ANKRD27: variants seen among roughly 807,000 people sequenced by gnomAD.
ANKRD27 encodes ankyrin repeat domain-containing protein 27.
In ANKRD27, 112 loss-of-function variants were observed where a neutral mutation model predicts 129.7. The ratio of observed to expected loss-of-function variants is 0.86; its 90% CI spans 0.74 to 1.01. The LOEUF (loss-of-function observed/expected upper bound fraction) is 1.01, where lower values mean the gene tolerates loss of function less well. Among genes scored for constraint, ANKRD27 ranks in the 50% least tolerant of loss-of-function variants. The pLI, the probability that ANKRD27 is intolerant of heterozygous loss-of-function variation, is 0.00. For missense variants in ANKRD27, 1,258 were observed against 1,300.5 expected (o/e 0.97, Z 0.50); for synonymous variants, 516 against 511.2 (o/e 1.01, Z -0.13).
At chr19:32,599,417 T>C (rs987927363) in intron 28 of ANKRD27, among the ~76,000 whole-genome samples, 1 of 151,926 alleles carries the variant, frequency 6.6e-6, no homozygotes, top group Non-Finnish European at 1.5e-5. Flanking sequence ...ATTAAAACCA[T>C]AGTGAAATGT....
intron 26 of ANKRD27, among the ~76,000 whole-genome samples, chr19:32,600,961 G>A (rs1971642769): frequency 6.6e-6 from 1 of 152,060 alleles, no homozygotes; most frequent in Admixed American, 6.6e-5. Flanking sequence ...TTCGGCAACT[G>A]CTGTTTTAAT....
intron 9 of ANKRD27, among the ~76,000 whole-genome samples, chr19:32,642,408 G>T (rs1967219091): frequency 6.6e-6 from 1 of 152,056 alleles, no homozygotes; most frequent in South Asian, 2.1e-4. Flanking sequence ...ACAACCCAAA[G>T]AGGGTTGTGG....
rs528434665 is a variant in ANKRD27 at position 32,623,803 on chromosome 19, G to C, written c.1630-1184C>G. 2.0e-5 allele frequency among the ~76,000 whole-genome samples: 3 copies of C among 152,034 alleles called. No individual in the cohort carries two copies. The South Asian group carries it at 6.2e-4, about 32-fold the overall frequency. ...TGACCTCAGGCAATTTGCCGGCCTT[G>C]GTCTCCCAAAGTGCTGGGACTACAG... On this transcript the variant is annotated intron_variant, in intron 17 of 28. Coordinates refer to ENST00000306065, the MANE Select transcript of ANKRD27 (RefSeq NM_032139.3).
Position 32,625,958 on chromosome 19 carries a change from C to T in ANKRD27, c.1545G>A (p.Leu515=), listed in dbSNP as rs765442354. Reference sequence around the variant, plus strand: ...CTTCCGCGCTGGCCTTGTAGTGCAGCAGCAGCAGCTGCGGAGATAAAGGAA... The same window carrying T: ...CTTCCGCGCTGGCCTTGTAGTGCAGTAGCAGCAGCTGCGGAGATAAAGGAA... The part of the protein sequence containing the change: ...QKGYQSVTLL[L]LHYKASAEVQ... Residue 515 remains leucine (L), a synonymous_variant, in exon 17 of 29, where the codon CTG becomes CTA. Transcript: ENST00000306065. The T allele has an allele frequency of 5.6e-6, 9 of 1,608,474 alleles. No homozygotes were observed. The East Asian group carries it at 2.0e-4, about 36-fold the overall frequency.
intron 25 of ANKRD27, among the ~76,000 whole-genome samples, chr19:32,603,792 G>A (rs1358562374): frequency 2.6e-5 from 4 of 152,154 alleles, no homozygotes; most frequent in African/African-American, 9.7e-5. Flanking sequence ...TCCTTCCTTG[G>A]CCTCCCAAAG....
chr19:32,656,568 C>A (rs770674098), intron 2 of ANKRD27, among the ~76,000 whole-genome samples: 10 of 152,216 alleles, frequency 6.6e-5, no homozygotes, highest in Non-Finnish European at 1.2e-4. Context: ...AGGAGGATCA[C>A]TTGAGGCCAG....
chr19:32,607,890 G>C (rs746128530), intron 22 of ANKRD27, 58 bp from the exon 23 acceptor site: 1 of 1,527,804 alleles, frequency 6.5e-7, no homozygotes, highest in Middle Eastern at 1.7e-4. Context: ...AACTGGGCTG[G>C]AGTGATTGGC....
chr19:32,640,327 C>T lies in ANKRD27; in HGVS notation c.963G>A (p.Val321=). The T allele has an allele frequency of 6.2e-7, 1 of 1,613,810 alleles. No homozygotes were observed. Among genetic ancestry groups the T allele is most frequent in the South Asian group, 1.1e-5 (1 of 91,066 alleles). Residue 321 remains valine (V), a synonymous_variant, in exon 11 of 29, where the codon GTG becomes GTA. Coordinates refer to ENST00000306065, the MANE Select transcript of ANKRD27 (RefSeq NM_032139.3). Reference sequence around the variant, plus strand: ...GTTACCAATTAGGGATCTCCGTTTTCACAAGCAAGTATAACAGGACTGATA... The same window carrying T: ...GTTACCAATTAGGGATCTCCGTTTTTACAAGCAAGTATAACAGGACTGATA... ...DLLSVLLYLL[V]KTEIPNWMAN...
chr19:32,650,348 T>C (rs1967389334), intron 2 of ANKRD27, among the ~76,000 whole-genome samples: 1 of 152,190 alleles, frequency 6.6e-6, no homozygotes, highest in Non-Finnish European at 1.5e-5. Context: ...GGTCAGGAGT[T>C]TGAGACCAGC....
intron 1 of ANKRD27, among the ~76,000 whole-genome samples, chr19:32,669,257 C>T (rs1773024725): frequency 6.6e-6 from 1 of 152,170 alleles, no homozygotes; most frequent in African/African-American, 2.4e-5. Context: ...GAGCTCTCCG[C>T]CAGTCCTCCT....
intron 28 of ANKRD27, 149 bp from the exon 29 acceptor site, chr19:32,598,527 G>C (rs1021704759): frequency 1.0e-5 from 7 of 696,532 alleles, no homozygotes; most frequent in Non-Finnish European, 1.5e-5. Context: ...TCCCTGTCGT[G>C]GTAACATGGC....
At chr19:32,665,458 TTTTG>T (rs1273948659) in intron 1 of ANKRD27, among the ~76,000 whole-genome samples, 5 of 103,364 alleles carry the variant, frequency 4.8e-5, no homozygotes, top group Admixed American at 4.8e-4. Flanking sequence ...CCAGGCTAAT[TTTTG>T]TTTGTTTGTT....
intron 24 of ANKRD27, among the ~76,000 whole-genome samples, chr19:32,604,654 G>C (rs1280435775): frequency 6.8e-6 from 1 of 147,232 alleles, no homozygotes; most frequent in Non-Finnish European, 1.5e-5. Flanking sequence ...TAAATGTACA[G>C]AGCAGAAACA....
intron 13 of ANKRD27, among the ~76,000 whole-genome samples, chr19:32,629,654 C>A (rs902321176): frequency 2.6e-5 from 4 of 151,954 alleles, no homozygotes; most frequent in Non-Finnish European, 4.4e-5. Flanking sequence ...GAACCAAGAT[C>A]GCACCATTAC....
At position 32,604,439 on chromosome 19, in the gene ANKRD27, C is replaced by A; in HGVS notation, c.2494-15G>T. ...GAGGCCCCGTGCTGGAAAGAGAAAC[C>A]ACACGATCAAAAGGAACGCTACGAA... On this transcript the variant is annotated splice_polypyrimidine_tract_variant and intron_variant, in intron 24 of 28. Coordinates refer to ENST00000306065, the MANE Select transcript of ANKRD27 (RefSeq NM_032139.3). 6.3e-7 allele frequency: 1 copy of A among 1,585,524 alleles called. No individual in the cohort carries two copies. Among genetic ancestry groups the A allele is most frequent in the Non-Finnish European group, 8.6e-7 (1 of 1,158,678 alleles).
intron 22 of ANKRD27, among the ~76,000 whole-genome samples, chr19:32,613,933 C>G (rs1284742916): frequency 6.6e-6 from 1 of 152,112 alleles, no homozygotes; most frequent in Non-Finnish European, 1.5e-5. Context: ...TGGTCTTGAT[C>G]TTCTAACTTC....
At chr19:32,628,931 G>A in intron 13 of ANKRD27, 82 bp from the exon 14 acceptor site, 2 of 1,530,500 alleles carry the variant, frequency 1.3e-6, no homozygotes, top group Non-Finnish European at 1.8e-6. Flanking sequence ...GTCCTTTTTG[G>A]TTTTTTTGAG....
At chr19:32,664,617 A>AAATAATAATAATAAT (rs3042684) in intron 1 of ANKRD27, among the ~76,000 whole-genome samples, 171 of 128,320 alleles carry the variant, frequency 1.3e-3, no homozygotes, top group South Asian at 1.9e-3. Context: ...CTCCATCCCC[A>AAATAATAATAATAAT]AATAATAATA....
At chr19:32,642,435 G>A (rs1967219685) in intron 9 of ANKRD27, among the ~76,000 whole-genome samples, 1 of 152,040 alleles carries the variant, frequency 6.6e-6, no homozygotes, top group Non-Finnish European at 1.5e-5. Context: ...AAACATTTTT[G>A]TGTCCTAATG....
Sources: gnomAD v4.1 joint callset for allele counts (sites outside exome capture counted in the v4.1 genomes callset) on GRCh38, gnomAD v4.1.1 for gene constraint, MANE v1.5 for transcripts, NCBI Gene and HGNC (gene_info 2026-07-23, HGNC 2026-07-21) for gene names.